The following PLXNA4 variants were observed in gnomAD, a reference collection of about 807,000 sequenced individuals.
PLXNA4 encodes the protein plexin-A4.
A neutral mutation model predicts 191.8 loss-of-function variants in PLXNA4; 44 were observed. The ratio of observed to expected loss-of-function variants is 0.23; its 90% CI spans 0.18 to 0.29. PLXNA4 has a LOEUF of 0.29. Among genes scored for constraint, PLXNA4 ranks in the 10% least tolerant of loss-of-function variants. The pLI is 1.00. For synonymous variants in PLXNA4, 1,082 were observed against 1,009.5 expected (o/e 1.07, Z -1.36); for missense variants, 1,800 against 2,488.8 (o/e 0.72, Z 5.89).
intron 2 of PLXNA4, among the ~76,000 whole-genome samples, chr7:132,627,125 G>C (rs946529589): frequency 6.6e-6 from 1 of 152,152 alleles, no homozygotes; most frequent in African/African-American, 2.4e-5. Flanking sequence ...AAGTACTACA[G>C]TTTATGAAAC....
In PLXNA4 at chr7:132,252,581, G is replaced by A. The variant is rs374754152; in HGVS notation, c.1504-11415C>T. ...CTCCCAAAGTGCTGGGATTATAGGC[G>A]TGAGTCACCATGCCTGGCCTCTAAA... On this transcript the variant is annotated intron_variant, in intron 4 of 31. Transcript: ENST00000321063. Among the ~76,000 whole-genome samples, 338 of 152,268 alleles carry A rather than the reference G, an allele frequency of 2.2e-3. 9 individuals are homozygous for A. In the South Asian group the frequency reaches 0.039, roughly 18 times the overall value.
At chr7:132,598,153 G>A (rs1470355772) in intron 2 of PLXNA4, among the ~76,000 whole-genome samples, 7 of 152,116 alleles carry the variant, frequency 4.6e-5, no homozygotes, top group Non-Finnish European at 1.0e-4. Context: ...CTGTCGCCCA[G>A]GCTGGAGTAC....
At chr7:132,611,688 ACAATTTAG>A (rs1803049195) in intron 2 of PLXNA4, among the ~76,000 whole-genome samples, 1 of 152,214 alleles carries the variant, frequency 6.6e-6, no homozygotes. Flanking sequence ...TCTAAGGCTG[ACAATTTAG>A]CAAGGGAGAC....
chr7:132,170,959 C>T (rs1042548767), intron 21 of PLXNA4, among the ~76,000 whole-genome samples: 4 of 152,196 alleles, frequency 2.6e-5, no homozygotes, highest in African/African-American at 7.2e-5. Context: ...CCCTCACCTC[C>T]GGAGGTGGGA....
intron 3 of PLXNA4, among the ~76,000 whole-genome samples, chr7:132,324,752 C>T (rs954215855): frequency 3.9e-5 from 6 of 152,174 alleles, no homozygotes; most frequent in African/African-American, 7.2e-5. Context: ...TGAATGGGAG[C>T]GATGCCTGAG....
At chr7:132,522,187 A>G (rs1799215562) in intron 1 of PLXNA4, among the ~76,000 whole-genome samples, 1 of 152,120 alleles carries the variant, frequency 6.6e-6, no homozygotes. Context: ...CAGAGGGGAC[A>G]ACACCTGCCA....
intron 3 of PLXNA4, among the ~76,000 whole-genome samples, chr7:132,355,530 T>C (rs1803662921): frequency 6.6e-6 from 1 of 152,094 alleles, no homozygotes; most frequent in African/African-American, 2.4e-5. Context: ...TGTTGGGTGC[T>C]CGGCAGACTC....
At chr7:132,345,086 G>A (rs1308095222) in intron 3 of PLXNA4, among the ~76,000 whole-genome samples, 1 of 152,182 alleles carries the variant, frequency 6.6e-6, no homozygotes, top group Non-Finnish European at 1.5e-5. Flanking sequence ...TAGATCTTTA[G>A]TTCTTTGGGG....
At chr7:132,148,090 G>A in intron 26 of PLXNA4, 91 bp from the exon 27 acceptor site, 1 of 1,585,904 alleles carries the variant, frequency 6.3e-7, no homozygotes, top group Admixed American at 1.7e-5. Context: ...GCACTAAGGG[G>A]AAATTGGTGC....
rs939832585 is a variant in PLXNA4, at chr7:132,220,100, G to A, written c.2097+3427C>T. On this transcript the variant is annotated intron_variant, in intron 9 of 31. Coordinates refer to ENST00000321063, the MANE Select transcript of PLXNA4 (RefSeq NM_020911.2). ...CATATAGAATGTAAAAATATAGCAA[G>A]CAAAACAAAACAACAACATAAAAAA... 2.6e-5 allele frequency among the ~76,000 whole-genome samples: 4 copies of A among 152,234 alleles called. No individual in the cohort carries two copies. The East Asian group carries it at 7.7e-4, about 29-fold the overall frequency.
intron 2 of PLXNA4, 33 bp downstream of exon 2, chr7:132,507,473 A>G (rs777552362): frequency 6.4e-7 from 1 of 1,571,998 alleles, no homozygotes; most frequent in Non-Finnish European, 8.6e-7. Flanking sequence ...TACACTCCCA[A>G]CCATCCCAGC....
At chr7:132,362,574 T>C (rs552410573) in intron 3 of PLXNA4, among the ~76,000 whole-genome samples, 16 of 152,312 alleles carry the variant, frequency 1.1e-4, no homozygotes, top group Non-Finnish European at 1.9e-4. Flanking sequence ...AGAATGACTA[T>C]GGGGTTGAAT....
rs189880714 is a variant in PLXNA4, at chr7:132,127,057, T to C, written c.*3422A>G. On this transcript the variant is annotated 3_prime_UTR_variant, in exon 32 of 32. Coordinates refer to ENST00000321063, the MANE Select transcript of PLXNA4 (RefSeq NM_020911.2). Reference sequence around the variant, plus strand: ...CCAGGAGAAATGACCAGCCTACCACTCTGTTTCTTGTCTTCCTCTACTTAT... The same window carrying C: ...CCAGGAGAAATGACCAGCCTACCACCCTGTTTCTTGTCTTCCTCTACTTAT... 516 of 152,238 alleles carry C rather than the reference T, an allele frequency of 3.4e-3. 1 individual carries two copies. Among genetic ancestry groups the C allele is most frequent in the Non-Finnish European group, 5.7e-3 (389 of 68,058 alleles). 9.4% of individuals were successfully genotyped at this position (152,238 alleles called of 1,614,324 possible).
chr7:132,511,124 A>G (rs1488556539), intron 1 of PLXNA4, among the ~76,000 whole-genome samples: 1 of 152,112 alleles, frequency 6.6e-6, no homozygotes, highest in East Asian at 1.9e-4. Context: ...CATATAGAGG[A>G]GGCTCAACAA....
At chr7:132,407,513 C>T (rs1794271258) in intron 3 of PLXNA4, among the ~76,000 whole-genome samples, 1 of 152,234 alleles carries the variant, frequency 6.6e-6, no homozygotes, top group Non-Finnish European at 1.5e-5. Flanking sequence ...CAAATACACA[C>T]ATGCACACAC....
intron 1 of PLXNA4, among the ~76,000 whole-genome samples, chr7:132,551,815 G>C (rs555217430): frequency 6.6e-6 from 1 of 152,152 alleles, no homozygotes; most frequent in Non-Finnish European, 1.5e-5. Context: ...ACCAGACATC[G>C]ATGTTAAATA....
chr7:132,223,933 AATG>A (rs900808120), intron 8 of PLXNA4, among the ~76,000 whole-genome samples: 15 of 151,922 alleles, frequency 9.9e-5, no homozygotes, highest in African/African-American at 3.4e-4. Flanking sequence ...CAAAAGAGGG[AATG>A]ATAAGGTCTG....
intron 3 of PLXNA4, among the ~76,000 whole-genome samples, chr7:132,403,295 C>A (rs1413426704): frequency 1.3e-5 from 2 of 152,232 alleles, no homozygotes; most frequent in African/African-American, 4.8e-5. Flanking sequence ...ATCATGTTCT[C>A]TCTAAAGAAT....
At chr7:132,300,980 G>A (rs1297414802) in intron 3 of PLXNA4, among the ~76,000 whole-genome samples, 1 of 152,184 alleles carries the variant, frequency 6.6e-6, no homozygotes, top group Non-Finnish European at 1.5e-5. Context: ...GGTGTGGCTG[G>A]ACATCAAAGG....
Sources: allele counts gnomAD v4.1 joint callset (sites outside exome capture counted in the v4.1 genomes callset), GRCh38; gene constraint gnomAD v4.1.1; transcripts MANE v1.5; gene names NCBI Gene and HGNC (gene_info 2026-07-23, HGNC 2026-07-21).